L3MBTL2: variants seen among roughly 807,000 people sequenced by gnomAD.
L3MBTL2 encodes L3MBTL histone methyl-lysine binding protein 2.
A neutral mutation model predicts 86.4 loss-of-function variants in L3MBTL2; 49 were observed. The observed-to-expected ratio is 0.57, with a 90% confidence interval of 0.45 to 0.72. The LOEUF (loss-of-function observed/expected upper bound fraction) is 0.72. Ranked by LOEUF, L3MBTL2 falls within the 30% of genes least tolerant of loss-of-function variation. The probability of loss-of-function intolerance (pLI) is 0.00; values close to 1 mark genes in which losing one functional copy is unlikely to be tolerated. For synonymous variants in L3MBTL2, 336 were observed against 350.6 expected (o/e 0.96, Z 0.47); for missense variants, 755 against 923.7 (o/e 0.82, Z 2.37).
intron 2 of L3MBTL2, among the ~76,000 whole-genome samples, chr22:41,212,887 C>T (rs2031010955): frequency 1.6e-5 from 2 of 125,958 alleles, no homozygotes; most frequent in East Asian, 4.4e-4. Context: ...AAGAGCAAAA[C>T]TCCATCTCAA....
chr22:41,227,482 C>T lies in L3MBTL2; in HGVS notation c.1822+159C>T, dbSNP rs1048947412. On this transcript the variant is annotated intron_variant, in intron 14 of 16. Coordinates refer to ENST00000216237, the MANE Select transcript of L3MBTL2 (RefSeq NM_031488.5). The surrounding 1 kb of genome is among the most constrained non-coding windows in gnomAD (Gnocchi z 6.0). Reference sequence around the variant, plus strand: ...TGAGCCCCGTCACCCAGCCCCTGCTCCTGACTTCTCTGTCTCCCTTTCCCT... The same window carrying T: ...TGAGCCCCGTCACCCAGCCCCTGCTTCTGACTTCTCTGTCTCCCTTTCCCT... 1.6e-6 allele frequency: 2 copies of T among 1,247,996 alleles called. No individual in the cohort carries two copies. The highest frequency in any genetic ancestry group is 1.5e-5 in the African/African-American group (1 of 67,034). 77.3% of individuals were successfully genotyped at this position (1,247,996 alleles called of 1,614,324 possible).
Position 41,224,916 on chromosome 22 carries a change from CCCTT to C in L3MBTL2, c.1252-47_1252-44del, listed in dbSNP as rs1419299861. 3 of 1,577,656 alleles carry C rather than the reference CCCTT, an allele frequency of 1.9e-6. No individual in the cohort carries two copies. The highest frequency in any genetic ancestry group is 2.6e-6 in the Non-Finnish European group (3 of 1,148,502). ...TCCCTCCTGAGGCCTGCTTCCCTCA[CCCTT>C]CCTCCTGGCCTGCCCAGGGAGTCCC... On this transcript the variant is annotated intron_variant, in intron 10 of 16. Transcript: ENST00000216237. The surrounding 1 kb of genome is among the most constrained non-coding windows in gnomAD (Gnocchi z 4.9).
chr22:41,213,193 C>G (rs2031046613), intron 2 of L3MBTL2, among the ~76,000 whole-genome samples: 1 of 152,166 alleles, frequency 6.6e-6, no homozygotes, highest in South Asian at 2.1e-4. Flanking sequence ...CTACTCCAGG[C>G]TGGGTGACAG....
chr22:41,219,296 C>T, intron 5 of L3MBTL2, 123 bp from the exon 6 acceptor site: 1 of 723,656 alleles, frequency 1.4e-6, no homozygotes, highest in South Asian at 1.5e-5. Context: ...GCTGGTTCTG[C>T]ACACAGTGGG....
chr22:41,225,151 C>A lies in L3MBTL2; in HGVS notation c.1356+80C>A. The A allele has an allele frequency of 8.9e-7, 1 of 1,118,858 alleles. No individual in the cohort carries two copies. Among genetic ancestry groups the A allele is most frequent in the Non-Finnish European group, 1.3e-6 (1 of 769,874 alleles). 69.3% of individuals were successfully genotyped at this position (1,118,858 alleles called of 1,614,324 possible). On this transcript the variant is annotated intron_variant, in intron 11 of 16. Coordinates refer to ENST00000216237, the MANE Select transcript of L3MBTL2 (RefSeq NM_031488.5). The surrounding 1 kb of genome is among the most constrained non-coding windows in gnomAD (Gnocchi z 4.1). ...TGGCCCAGAGCTCTAACCCCACTCG[C>A]CACCGTCAGGGGGTCTGTGTCCCAG...
At chr22:41,210,769 C>CT (rs977752563) in intron 2 of L3MBTL2, among the ~76,000 whole-genome samples, 7 of 152,328 alleles carry the variant, frequency 4.6e-5, no homozygotes, top group African/African-American at 1.7e-4. Flanking sequence ...CGGCCCTAGT[C>CT]TAATTTCAAA....
intron 2 of L3MBTL2, chr22:41,210,148 T>A: frequency 2.3e-6 from 1 of 426,006 alleles, no homozygotes; most frequent in Non-Finnish European, 4.0e-6. Flanking sequence ...AATTTCTTTT[T>A]TTTTTTTTTT....
chr22:41,223,704 T>C (rs1745061920), intron 8 of L3MBTL2, among the ~76,000 whole-genome samples: 1 of 152,210 alleles, frequency 6.6e-6, no homozygotes, highest in Non-Finnish European at 1.5e-5. Flanking sequence ...CTGGGTCACT[T>C]TTCCTTAGTC....
In L3MBTL2 at chr22:41,230,458, A is replaced by G. The variant is rs575033107; in HGVS notation, c.*207A>G. 3 of 540,106 alleles carry G rather than the reference A, an allele frequency of 5.6e-6. No individual in the cohort carries two copies. In the Admixed American group the frequency reaches 1.0e-4, roughly 19 times the overall value. The allele number at this position is 540,106 out of a possible 1,614,324, so 33.5% of individuals were successfully genotyped here. On this transcript the variant is annotated 3_prime_UTR_variant, in exon 17 of 17. Transcript: ENST00000216237. ...TCTGCCCTCCCCTGTGGAAAGGTCT[A>G]TATGACGGGCCGCCTGAGGCCCCAG...
At chr22:41,222,691 C>G (rs2031909803) in intron 8 of L3MBTL2, among the ~76,000 whole-genome samples, 1 of 151,670 alleles carries the variant, frequency 6.6e-6, no homozygotes, top group South Asian at 2.1e-4. Flanking sequence ...AGGCCGAGGT[C>G]AGAAGATCAC....
At chr22:41,210,063 C>T in intron 2 of L3MBTL2, 130 bp downstream of exon 2, 2 of 1,288,208 alleles carry the variant, frequency 1.6e-6, no homozygotes, top group African/African-American at 1.5e-5. Flanking sequence ...TCTAAGGGAT[C>T]AGATGTGTAA....
At chr22:41,226,589 C>T in intron 12 of L3MBTL2, 73 bp from the exon 13 acceptor site, 1 of 1,051,284 alleles carries the variant, frequency 9.5e-7, no homozygotes. Flanking sequence ...GCTTCTTCAG[C>T]CATGTGTCCT....
rs1381157982 is a variant in L3MBTL2, at chr22:41,227,326, G to T, written c.1822+3G>T. On this transcript the variant is annotated splice_donor_region_variant and intron_variant, in intron 14 of 16. Coordinates refer to ENST00000216237, the MANE Select transcript of L3MBTL2 (RefSeq NM_031488.5). The surrounding 1 kb of genome is among the most constrained non-coding windows in gnomAD (Gnocchi z 6.0). ...GCTCCAGCCTCCTGTGGCCGCAGGTGTGGGCTCTCGTGGCCCTAAGAGGCT... is the reference window on the plus strand; with the variant it reads ...GCTCCAGCCTCCTGTGGCCGCAGGTTTGGGCTCTCGTGGCCCTAAGAGGCT... The T allele has an allele frequency of 6.3e-7, 1 of 1,586,266 alleles. No individual in the cohort carries two copies. The highest frequency in any genetic ancestry group is 8.6e-7 in the Non-Finnish European group (1 of 1,166,218).
chr22:41,222,679 G>A (rs931737597), intron 8 of L3MBTL2, among the ~76,000 whole-genome samples: 2 of 151,950 alleles, frequency 1.3e-5, no homozygotes, highest in East Asian at 3.9e-4. Context: ...CAGCACTTTG[G>A]GAGGCCGAGG....
intron 7 of L3MBTL2, 42 bp downstream of exon 7, chr22:41,220,910 C>T (rs1479633428): frequency 6.3e-7 from 1 of 1,592,014 alleles, no homozygotes; most frequent in Non-Finnish European, 8.6e-7. Flanking sequence ...CCCGTAGGGC[C>T]CCTGGTAGAG....
At chr22:41,211,279 C>A (rs1039452594) in intron 2 of L3MBTL2, among the ~76,000 whole-genome samples, 2 of 152,106 alleles carry the variant, frequency 1.3e-5, no homozygotes, top group African/African-American at 4.8e-5. Context: ...TGGCTCACTG[C>A]AGCCTCGACC....
chr22:41,223,553 G>A (rs2031978164), intron 8 of L3MBTL2, among the ~76,000 whole-genome samples: 1 of 151,656 alleles, frequency 6.6e-6, no homozygotes. Context: ...TGTGCCACAG[G>A]CAGAGGGCTG....
chr22:41,213,767 C>T, intron 2 of L3MBTL2, 126 bp from the exon 3 acceptor site: 1 of 992,312 alleles, frequency 1.0e-6, no homozygotes, highest in East Asian at 2.4e-5. Context: ...CCTCTTATTC[C>T]ATTAGCCTTT....
At chr22:41,211,348 A>G (rs1268986764) in intron 2 of L3MBTL2, among the ~76,000 whole-genome samples, 2 of 149,932 alleles carry the variant, frequency 1.3e-5, no homozygotes, top group African/African-American at 2.5e-5. Flanking sequence ...CTACAGGTGC[A>G]CGCCACCATG....
Sources: gnomAD v4.1 joint callset for allele counts (sites outside exome capture counted in the v4.1 genomes callset) on GRCh38, gnomAD v4.1.1 for gene constraint, Gnocchi (gnomAD v3.1) non-coding constraint, MANE v1.5 for transcripts, NCBI Gene and HGNC (gene_info 2026-07-23, HGNC 2026-07-21) for gene names.